The following PRRC2B variants were observed in gnomAD, a reference collection of about 807,000 sequenced individuals.
PRRC2B encodes protein PRRC2B.
PRRC2B carries 68 observed loss-of-function variants against 242.3 expected under a neutral mutation model. That is an observed-to-expected ratio of 0.28 (90% CI 0.23 to 0.34). PRRC2B has a LOEUF of 0.34. PRRC2B is among the 10% of genes least tolerant of loss of function. The pLI is 1.00. For missense variants in PRRC2B, 2,835 were observed against 2,954.8 expected (o/e 0.96, Z 0.94); for synonymous variants, 1,228 against 1,173.6 (o/e 1.05, Z -0.95).
At chr9:131,391,665 CTCTA>C (rs1836901069), upstream of PRRC2B, among the ~76,000 whole-genome samples, 2 of 152,166 alleles carry the variant, frequency 1.3e-5, no homozygotes, top group Admixed American at 6.6e-5. Context: ...ACCTGAGTGA[CTCTA>C]TAGGGAGTGT....
intron 9 of PRRC2B, 145 bp downstream of exon 9, chr9:131,447,949 C>T: frequency 1.4e-6 from 1 of 725,042 alleles, no homozygotes; most frequent in East Asian, 3.0e-5. Flanking sequence ...GACCTGATGC[C>T]CTCCTTCCTC....
At chr9:131,442,490 A>T (rs184494002) in intron 5 of PRRC2B, among the ~76,000 whole-genome samples, 1 of 152,164 alleles carries the variant, frequency 6.6e-6, no homozygotes, top group African/African-American at 2.4e-5. Context: ...CTGGCTGGTC[A>T]TTGGTGAATG....
chr9:131,475,548 A>C lies in PRRC2B; in HGVS notation c.3419A>C (p.Glu1140Ala). The C allele has an allele frequency of 6.2e-7, 1 of 1,612,754 alleles. No homozygotes were observed. The highest frequency in any genetic ancestry group is 8.5e-7 in the Non-Finnish European group (1 of 1,179,810). Residue 1140 changes from glutamate to alanine, a missense_variant, in exon 16 of 32, where the codon GAG becomes GCG. Glu to Ala is a moderately radical substitution (Grantham distance 107). Transcript: ENST00000683519. ...AGTGAGACCCATAGCGAGGGCTCAG[A>C]GTATGAAGAACTTCCCAAGCGCCGC... is the stretch of plus-strand genomic sequence containing the variant. ...VASETHSEGS[E>A]YEELPKRRRQ...
chr9:131,394,640 C>T (rs1482362800), intron 1 of PRRC2B, among the ~76,000 whole-genome samples: 2 of 151,250 alleles, frequency 1.3e-5, no homozygotes, highest in South Asian at 2.1e-4. Flanking sequence ...CCCGGGCCCG[C>T]AGCCGGGTCT....
chr9:131,389,590 G>A (rs1424547022), upstream of PRRC2B, among the ~76,000 whole-genome samples: 1 of 150,538 alleles, frequency 6.6e-6, no homozygotes, highest in Non-Finnish European at 1.5e-5. Flanking sequence ...GTAGGGGAAG[G>A]GAGGCTGGGC....
At chr9:131,430,518 GATAGATAGATATCTATCT>G (rs1838113646) in intron 2 of PRRC2B, among the ~76,000 whole-genome samples, 3 of 20,644 alleles carry the variant, frequency 1.5e-4, no homozygotes, top group Non-Finnish European at 3.5e-4. Flanking sequence ...TCTATAGATA[GATAGATAGATATCTATCT>G]ATAGATATCT....
intron 1 of PRRC2B, among the ~76,000 whole-genome samples, chr9:131,397,635 A>G (rs1286205839): frequency 7.6e-6 from 1 of 131,202 alleles, no homozygotes; most frequent in Admixed American, 8.7e-5. Context: ...GCTGTATGCT[A>G]GTTATATGTC....
rs1836972667 is a variant in PRRC2B at position 131,394,150 on chromosome 9, G to A, written c.-165G>A. ...GCCCGGGAGGAGGGAGGGAGCGAGCGAGCGAGCAGCCCGCGCCGCCGCCTC... is the reference window on the plus strand; with the variant it reads ...GCCCGGGAGGAGGGAGGGAGCGAGCAAGCGAGCAGCCCGCGCCGCCGCCTC... On this transcript the variant is annotated 5_prime_UTR_variant, in exon 1 of 32. Transcript: ENST00000683519. 1 of 148,958 alleles carries A rather than the reference G, an allele frequency of 6.7e-6. No individual in the cohort carries two copies. The highest frequency in any genetic ancestry group is 1.5e-5 in the Non-Finnish European group (1 of 66,470). 9.2% of individuals were successfully genotyped at this position (148,958 alleles called of 1,614,324 possible).
At position 131,474,799 on chromosome 9, in the gene PRRC2B, A is replaced by G. The variant is rs772445598; in HGVS notation, c.2670A>G (p.Thr890=). Reference sequence around the variant, plus strand: ...CAGCCCATGGTGTTGAGCGGGAGACACCCCGGGAGGGGACGGCCTTTAACA... The same window carrying G: ...CAGCCCATGGTGTTGAGCGGGAGACGCCCCGGGAGGGGACGGCCTTTAACA... ...ADTAHGVERE[T]PREGTAFNIS... Residue 890 remains threonine, a synonymous_variant, in exon 16 of 32, where the codon ACA becomes ACG. Coordinates refer to ENST00000683519, the MANE Select transcript of PRRC2B (RefSeq NM_013318.4). 39 of 1,612,396 alleles carry G rather than the reference A, an allele frequency of 2.4e-5. No homozygotes were observed. The highest frequency in any genetic ancestry group is 4.0e-5 in the African/African-American group (3 of 74,882).
chr9:131,447,322 A>C, intron 8 of PRRC2B, 116 bp downstream of exon 8: 1 of 1,328,256 alleles, frequency 7.5e-7, no homozygotes, highest in East Asian at 2.4e-5. Flanking sequence ...AGAGAACTTA[A>C]CCAGCTCAGC....
intron 9 of PRRC2B, among the ~76,000 whole-genome samples, chr9:131,450,139 C>T (rs1435438416): frequency 6.6e-6 from 1 of 152,182 alleles, no homozygotes; most frequent in African/African-American, 2.4e-5. Context: ...AGTTTTCCAA[C>T]TTTGTCGTTT....
chr9:131,451,913 C>G (rs902684431), intron 9 of PRRC2B, among the ~76,000 whole-genome samples: 2 of 151,852 alleles, frequency 1.3e-5, no homozygotes, highest in African/African-American at 2.4e-5. Context: ...TAAACCCTCC[C>G]TCTTTGTATG....
At chr9:131,427,500 T>C (rs1057189954) in intron 1 of PRRC2B, among the ~76,000 whole-genome samples, 4 of 152,152 alleles carry the variant, frequency 2.6e-5, no homozygotes, top group African/African-American at 2.4e-5. Context: ...CTGGCTAATT[T>C]TTTGTATTTT....
intron 1 of PRRC2B, among the ~76,000 whole-genome samples, chr9:131,422,570 G>C (rs568041052): frequency 1.2e-4 from 19 of 152,356 alleles, no homozygotes; most frequent in African/African-American, 4.6e-4. Flanking sequence ...CAGTGCCCTG[G>C]TCAGGCATCT....
chr9:131,490,467 C>T (rs371312358), intron 28 of PRRC2B: 289 of 519,028 alleles, frequency 5.6e-4, no homozygotes, highest in Non-Finnish European at 8.9e-4. Context: ...TGGTGTTTTG[C>T]GGCTCTGGCC....
At position 131,475,342 on chromosome 9, in the gene PRRC2B, C is replaced by G. The variant is rs1363215763; in HGVS notation, c.3213C>G (p.Phe1071Leu). Residue 1071 changes from phenylalanine to leucine, a missense_variant, in exon 16 of 32, where the codon TTC (phenylalanine) becomes TTG (leucine). Phe to Leu is a conservative substitution (Grantham distance 22). This residue lies in a region of PRRC2B where 1,536 missense variants were observed against 1,483.1 expected (regional missense o/e 1.04). Transcript: ENST00000683519. ...AGGCCCGGGGCCGGGGCCGTGGTTT[C>G]AGAGAGTTCACTTTTCGTGGTCGGC... ...RGQARGRGRG[F>L]REFTFRGRPA... 3.1e-6 allele frequency: 5 copies of G among 1,589,758 alleles called. No individual in the cohort carries two copies. The highest frequency in any genetic ancestry group is 2.3e-5 in the South Asian group (2 of 88,208).
intron 1 of PRRC2B, among the ~76,000 whole-genome samples, chr9:131,418,103 A>T (rs555376097): frequency 6.6e-6 from 1 of 152,362 alleles, no homozygotes; most frequent in Admixed American, 6.5e-5. Flanking sequence ...AGCCAGCTGC[A>T]GGGGGTGATG....
chr9:131,401,930 G>A (rs1281795830), intron 1 of PRRC2B, among the ~76,000 whole-genome samples: 1 of 151,486 alleles, frequency 6.6e-6, no homozygotes, highest in African/African-American at 2.4e-5. Context: ...CAAAGTGCTG[G>A]GATTACAGGC....
intron 1 of PRRC2B, among the ~76,000 whole-genome samples, chr9:131,422,820 A>G (rs1012277344): frequency 6.6e-6 from 1 of 152,202 alleles, no homozygotes; most frequent in African/African-American, 2.4e-5. Context: ...TTATGTGCCA[A>G]AATATGCAAC....
Sources: allele counts gnomAD v4.1 joint callset (sites outside exome capture counted in the v4.1 genomes callset), GRCh38; gene constraint gnomAD v4.1.1; regional missense constraint gnomAD v4.1.1; transcripts MANE v1.5; gene names NCBI Gene and HGNC (gene_info 2026-07-23, HGNC 2026-07-21).